Variants in EMP1 observed in about 807,000 individuals in gnomAD.
EMP1 encodes tumor-associated membrane protein.
A neutral mutation model predicts 15.7 loss-of-function variants in EMP1; 5 were observed. The observed-to-expected ratio is 0.32, with a 90% confidence interval of 0.17 to 0.67. The LOEUF (loss-of-function observed/expected upper bound fraction) is 0.67, where lower values mean the gene tolerates loss of function less well. Among genes scored for constraint, EMP1 ranks in the 30% least tolerant of loss-of-function variants. The probability of loss-of-function intolerance (pLI) is 0.74; values close to 1 mark genes in which losing one functional copy is unlikely to be tolerated. For synonymous variants in EMP1, 78 were observed against 76.7 expected (o/e 1.02, Z -0.09); for missense variants, 166 against 194.2 (o/e 0.85, Z 0.86).
Position 13,211,067 on chromosome 12 carries a change from A to T in EMP1, c.-42-402A>T, listed in dbSNP as rs1404472259. On this transcript the variant is annotated intron_variant, in intron 1 of 4. Coordinates refer to ENST00000256951, the MANE Select transcript of EMP1 (RefSeq NM_001423.3). This position sits in a 1 kb window ranked among gnomAD's most constrained non-coding sequence, Gnocchi z 4.7. The stretch of plus-strand genomic sequence containing the variant: ...TTTTCCTAGTGGAAAATGGACATTT[A>T]TATGACATTGTTCAGAGACCTGGAA... Among the ~76,000 whole-genome samples, 2 of 152,232 alleles carry T rather than the reference A, an allele frequency of 1.3e-5. No homozygotes were observed. The highest frequency in any genetic ancestry group is 4.8e-5 in the African/African-American group (2 of 41,462).
intron 1 of EMP1, among the ~76,000 whole-genome samples, chr12:13,202,459 G>A (rs1263120841): frequency 6.6e-6 from 1 of 152,322 alleles, no homozygotes. Flanking sequence ...CGCTGGAGAA[G>A]GGGAGTTGGA....
At position 13,211,181 on chromosome 12, in the gene EMP1, A is replaced by G. The variant is rs971634496; in HGVS notation, c.-42-288A>G. Among the ~76,000 whole-genome samples the G allele has an allele frequency of 2.0e-5, 3 of 152,248 alleles. No homozygotes were observed. The highest frequency in any genetic ancestry group is 7.2e-5 in the African/African-American group (3 of 41,464). On this transcript the variant is annotated intron_variant, in intron 1 of 4. Coordinates refer to ENST00000256951, the MANE Select transcript of EMP1 (RefSeq NM_001423.3). The surrounding 1 kb of genome is among the most constrained non-coding windows in gnomAD (Gnocchi z 4.7). ...ATAAAATACGAACAGTTATCATAAA[A>G]TGTTCTTGTTCCTTTTTTGAAATAG...
At chr12:13,208,248 C>G (rs1743534939) in intron 1 of EMP1, among the ~76,000 whole-genome samples, 1 of 152,166 alleles carries the variant, frequency 6.6e-6, no homozygotes, top group Non-Finnish European at 1.5e-5. Flanking sequence ...CACAAGCTAC[C>G]TTGCAAGTAA....
chr12:13,197,547 G>A (rs538214041), intron 1 of EMP1, among the ~76,000 whole-genome samples: 31 of 152,098 alleles, frequency 2.0e-4, no homozygotes, highest in Non-Finnish European at 4.0e-4. Flanking sequence ...AGGCTGAGGC[G>A]GGCGGATCAC....
chr12:13,213,430 A>G, intron 2 of EMP1, 49 bp from the exon 3 acceptor site: 1 of 1,542,938 alleles, frequency 6.5e-7, no homozygotes, highest in Non-Finnish European at 9.0e-7. Flanking sequence ...TTTATTTTTA[A>G]ATCAGAGGGC....
intron 1 of EMP1, among the ~76,000 whole-genome samples, chr12:13,199,890 C>T (rs1011441025): frequency 7.2e-5 from 11 of 151,922 alleles, no homozygotes; most frequent in African/African-American, 1.9e-4. Context: ...AAACACTTAA[C>T]GCCTATTTAA....
chr12:13,212,549 C>T (rs1440731913), intron 2 of EMP1, among the ~76,000 whole-genome samples: 1 of 152,214 alleles, frequency 6.6e-6, no homozygotes, highest in East Asian at 1.9e-4. Flanking sequence ...TGTAATTTAG[C>T]CATTCTATAT....
chr12:13,208,630 C>T (rs1254109803), intron 1 of EMP1, among the ~76,000 whole-genome samples: 1 of 152,152 alleles, frequency 6.6e-6, no homozygotes, highest in African/African-American at 2.4e-5. Flanking sequence ...CTAAACAGCC[C>T]CTCCTTCTGG....
rs979053227 is a variant in EMP1 at position 13,215,260 on chromosome 12, G to A, written c.*569G>A. ...CTCTGTGGAATTCAGTGACAAAATGGGAGGAGGAAAGAGAGTTTGTAAGGT... is the reference window on the plus strand; with the variant it reads ...CTCTGTGGAATTCAGTGACAAAATGAGAGGAGGAAAGAGAGTTTGTAAGGT... On this transcript the variant is annotated 3_prime_UTR_variant, in exon 5 of 5. Transcript: ENST00000256951. The A allele has an allele frequency of 6.5e-6, 1 of 153,046 alleles. No homozygotes were observed. The allele number at this position is 153,046 out of a possible 1,614,324, so 9.5% of individuals were successfully genotyped here.
chr12:13,206,210 G>A (rs542045823), intron 1 of EMP1, among the ~76,000 whole-genome samples: 2 of 152,224 alleles, frequency 1.3e-5, no homozygotes, highest in South Asian at 2.1e-4. Flanking sequence ...AGGGAAGATA[G>A]GACATTTGGC....
At position 13,208,142 on chromosome 12, in the gene EMP1, C is replaced by A. The variant is rs1864130623; in HGVS notation, c.-42-3327C>A. ...ACTGCTAAGAAATAAGTAGTAGCCA[C>A]CAATACTTCCAATGGTATAAATTCT... On this transcript the variant is annotated intron_variant, in intron 1 of 4. Transcript: ENST00000256951. Among the ~76,000 whole-genome samples the A allele has an allele frequency of 2.0e-5, 3 of 152,240 alleles. No homozygotes were observed. In the East Asian group the frequency reaches 5.8e-4, roughly 29 times the overall value.
intron 4 of EMP1, chr12:13,214,159 C>T (rs1301659295): frequency 3.3e-6 from 2 of 602,900 alleles, no homozygotes; most frequent in Admixed American, 2.9e-5. Flanking sequence ...TATTGTGATT[C>T]TCACTTAATT....
At position 13,213,900 on chromosome 12, in the gene EMP1, T is replaced by C. The variant is rs1864189873; in HGVS notation, c.316+79T>C. 1.9e-6 allele frequency: 3 copies of C among 1,580,354 alleles called. No individual in the cohort carries two copies. The African/African-American group carries it at 4.0e-5, about 21-fold the overall frequency. On this transcript the variant is annotated intron_variant, in intron 4 of 4. Coordinates refer to ENST00000256951, the MANE Select transcript of EMP1 (RefSeq NM_001423.3). ...GGGTGTTTCTGGCAACTTGAACAGA[T>C]TAGCACATGGTTCAGTGAAACTTCC...
Position 13,213,697 on chromosome 12 carries a change from G to A in EMP1, c.192G>A (p.Val64=). The A allele has an allele frequency of 1.2e-6, 2 of 1,614,176 alleles. No individual in the cohort carries two copies. Among genetic ancestry groups the A allele is most frequent in the East Asian group, 2.2e-5 (1 of 44,884 alleles). Residue 64 remains valine, a synonymous_variant, in exon 4 of 5, where the codon GTG becomes GTA. Coordinates refer to ENST00000256951, the MANE Select transcript of EMP1 (RefSeq NM_001423.3). ...SYASEDALKT[V]QAFMILSIIF... is the part of the protein sequence containing the mutation. ...TGTCTACAGATGCCCTCAAGACAGTGCAGGCCTTCATGATTCTCTCTATCA... is the reference window on the plus strand; with the variant it reads ...TGTCTACAGATGCCCTCAAGACAGTACAGGCCTTCATGATTCTCTCTATCA...
In EMP1 at chr12:13,217,985, A is replaced by G. The variant is rs1260177874; in HGVS notation, c.*3294A>G. ...GAGAAGCTTAAAAAATATTTGTTGA[A>G]TTAAATGTCTTAGGTAGAGACAAAT... is the stretch of plus-strand genomic sequence containing the variant. On this transcript the variant is annotated 3_prime_UTR_variant, in exon 5 of 5. Coordinates refer to ENST00000256951, the MANE Select transcript of EMP1 (RefSeq NM_001423.3). The G allele has an allele frequency of 6.6e-6, 1 of 152,196 alleles. No individual in the cohort carries two copies. Among genetic ancestry groups the G allele is most frequent in the Non-Finnish European group, 1.5e-5 (1 of 68,044 alleles). 9.4% of individuals were successfully genotyped at this position (152,196 alleles called of 1,614,324 possible). A position where few individuals can be genotyped will look rare whatever the true frequency, so the allele number is the denominator to read the frequency against.
chr12:13,214,281 A>G (rs1864193461), intron 4 of EMP1: 2 of 603,908 alleles, frequency 3.3e-6, no homozygotes, highest in African/African-American at 1.9e-5. Context: ...GGTAGGCATG[A>G]GGTTCTGTGT....
chr12:13,204,269 A>T (rs558250596), intron 1 of EMP1, among the ~76,000 whole-genome samples: 3 of 151,914 alleles, frequency 2.0e-5, no homozygotes, highest in South Asian at 2.1e-4. Context: ...CTGCTTTCCC[A>T]CCCCTGCATA....
intron 1 of EMP1, among the ~76,000 whole-genome samples, chr12:13,205,217 A>G (rs943384486): frequency 2.0e-5 from 3 of 152,228 alleles, no homozygotes; most frequent in Non-Finnish European, 1.5e-5. Context: ...CTATAATTCA[A>G]AGAAGTAGAG....
At chr12:13,203,616 A>G (rs1318637549) in intron 1 of EMP1, among the ~76,000 whole-genome samples, 2 of 152,258 alleles carry the variant, frequency 1.3e-5, no homozygotes, top group African/African-American at 2.4e-5. Context: ...CATTTTACAC[A>G]GAGGAAGAGA....
Sources: allele counts gnomAD v4.1 joint callset (sites outside exome capture counted in the v4.1 genomes callset), GRCh38; gene constraint gnomAD v4.1.1; non-coding constraint Gnocchi (gnomAD v3.1); transcripts MANE v1.5; gene names NCBI Gene and HGNC (gene_info 2026-07-23, HGNC 2026-07-21).